PLEKHA5: variants seen among roughly 807,000 people sequenced by gnomAD.
PLEKHA5 encodes the protein pleckstrin homology domain-containing family A member 5.
Under a neutral mutation model 181.9 loss-of-function variants are expected in PLEKHA5, and 55 were observed. That is an observed-to-expected ratio of 0.30 (90% CI 0.24 to 0.38). PLEKHA5 has a LOEUF of 0.38. Among genes scored for constraint, PLEKHA5 ranks in the 10% least tolerant of loss-of-function variants. The pLI is 1.00. For synonymous variants in PLEKHA5, 535 were observed against 529.4 expected (o/e 1.01, Z -0.15); for missense variants, 1,432 against 1,549.5 (o/e 0.92, Z 1.27).
Position 19,322,366 on chromosome 12 carries a change from A to G in PLEKHA5, c.2274A>G (p.Lys758=). Residue 758 remains lysine (K), a synonymous_variant, in exon 19 of 32, where the codon AAA becomes AAG. Transcript: ENST00000429027. ...AAGTGGTGCATGCTCTGGAAGAGAA[A>G]CTTCAGCAACTCCACAAGGAGAAAG... is the stretch of plus-strand genomic sequence containing the variant. ...QDKVVHALEE[K]LQQLHKEKYT... 1 of 1,612,818 alleles carries G rather than the reference A, an allele frequency of 6.2e-7. No individual in the cohort carries two copies. The highest frequency in any genetic ancestry group is 1.1e-5 in the South Asian group (1 of 91,070).
intron 3 of PLEKHA5, among the ~76,000 whole-genome samples, chr12:19,193,897 C>T (rs1333099205): frequency 6.6e-6 from 1 of 152,092 alleles, no homozygotes; most frequent in Non-Finnish European, 1.5e-5. Context: ...GTCACAGAGC[C>T]AGAGCAGGAG....
At chr12:19,134,128 G>A (rs557553881) in intron 3 of PLEKHA5, among the ~76,000 whole-genome samples, 44 of 152,064 alleles carry the variant, frequency 2.9e-4, no homozygotes, top group African/African-American at 9.9e-4. Context: ...ATTCTGTGTG[G>A]GCTGAGTATG....
At chr12:19,327,708 G>A (rs908585153) in intron 20 of PLEKHA5, among the ~76,000 whole-genome samples, 56 of 149,072 alleles carry the variant, frequency 3.8e-4, no homozygotes, top group Middle Eastern at 6.4e-3. Flanking sequence ...GCAGTGGCGC[G>A]ATCTTTGCTC....
At chr12:19,143,644 A>G (rs770603786) in intron 3 of PLEKHA5, among the ~76,000 whole-genome samples, 2 of 152,142 alleles carry the variant, frequency 1.3e-5, no homozygotes, top group African/African-American at 2.4e-5. Flanking sequence ...ACAATTATGT[A>G]TGCGGCACAT....
chr12:19,314,935 C>A (rs533206133), intron 16 of PLEKHA5, 41 bp downstream of exon 16: 4 of 962,898 alleles, frequency 4.2e-6, no homozygotes, highest in South Asian at 4.1e-5. Context: ...TTATCATCTG[C>A]AAAATCCCTC....
intron 7 of PLEKHA5, among the ~76,000 whole-genome samples, chr12:19,265,145 G>A (rs1038700577): frequency 3.9e-5 from 6 of 152,168 alleles, no homozygotes; most frequent in South Asian, 4.1e-4. Flanking sequence ...GTTCAAATAT[G>A]TATTCACATG....
chr12:19,356,595 T>A (rs2094938442), intron 26 of PLEKHA5, among the ~76,000 whole-genome samples: 1 of 151,760 alleles, frequency 6.6e-6, no homozygotes, highest in South Asian at 2.1e-4. Flanking sequence ...TGGAAATAGT[T>A]CATCATAAAG....
chr12:19,130,149 GGAGTT>G lies in PLEKHA5; in HGVS notation c.169+21_169+25del. On this transcript the variant is annotated intron_variant, in intron 2 of 31. Coordinates refer to ENST00000429027, the MANE Select transcript of PLEKHA5 (RefSeq NM_001256470.2). This position sits in a 1 kb window ranked among gnomAD's most constrained non-coding sequence, Gnocchi z 4.5. ...AGCACAGGTAACGCCGGGCCCAAACGGAGTTGGGCTCCGCCTGGAGGAGGCGGCAG... is the reference window on the plus strand; with the variant it reads ...AGCACAGGTAACGCCGGGCCCAAACGGGGCTCCGCCTGGAGGAGGCGGCAG... 2 of 1,510,946 alleles carry G rather than the reference GGAGTT, an allele frequency of 1.3e-6. No homozygotes were observed. Among genetic ancestry groups the G allele is most frequent in the Non-Finnish European group, 1.8e-6 (2 of 1,120,188 alleles). The allele number at this position is 1,510,946 out of a possible 1,614,324, so 93.6% of individuals were successfully genotyped here. A position where few individuals can be genotyped will look rare whatever the true frequency, so the allele number is the denominator to read the frequency against.
intron 3 of PLEKHA5, among the ~76,000 whole-genome samples, chr12:19,164,639 CTG>C (rs1412645635): frequency 2.0e-5 from 3 of 152,170 alleles, no homozygotes; most frequent in African/African-American, 7.2e-5. Context: ...TGGAACATCT[CTG>C]TGCTTCTCTG....
chr12:19,300,808 C>G (rs371944336), intron 15 of PLEKHA5, among the ~76,000 whole-genome samples: 212 of 152,078 alleles, frequency 1.4e-3, no homozygotes, highest in Middle Eastern at 3.4e-3. Flanking sequence ...TGATAAAATC[C>G]AGATCCTTCT....
At chr12:19,308,344 A>G (rs2084917380) in intron 15 of PLEKHA5, among the ~76,000 whole-genome samples, 1 of 152,166 alleles carries the variant, frequency 6.6e-6, no homozygotes, top group Non-Finnish European at 1.5e-5. Flanking sequence ...AGATGTATAT[A>G]GCTCTGAGTT....
At chr12:19,238,590 T>C (rs910647660) in intron 3 of PLEKHA5, among the ~76,000 whole-genome samples, 10 of 152,138 alleles carry the variant, frequency 6.6e-5, no homozygotes, top group South Asian at 2.1e-4. Flanking sequence ...TTGAATCCGC[T>C]GAAAATGTTT....
chr12:19,205,292 T>G, intron 3 of PLEKHA5: 1 of 681,180 alleles, frequency 1.5e-6, no homozygotes, highest in Non-Finnish European at 1.8e-6. Context: ...GAGACTGCGG[T>G]GTGGTTCAGT....
chr12:19,327,245 T>C (rs2092269062), intron 20 of PLEKHA5, among the ~76,000 whole-genome samples: 1 of 90,778 alleles, frequency 1.1e-5, no homozygotes, highest in East Asian at 2.2e-4. Context: ...GCATCTGTTT[T>C]TGTTTTTTTT....
At chr12:19,333,197 A>T (rs1279561827) in intron 20 of PLEKHA5, among the ~76,000 whole-genome samples, 1 of 152,080 alleles carries the variant, frequency 6.6e-6, no homozygotes, top group Non-Finnish European at 1.5e-5. Flanking sequence ...AGGCAGGCGA[A>T]TCGCTTGAAC....
At chr12:19,290,426 G>A (rs71539461) in intron 13 of PLEKHA5, among the ~76,000 whole-genome samples, 19,964 of 152,092 alleles carry the variant, frequency 0.13, 1,365 homozygotes, top group African/African-American at 0.17. Flanking sequence ...ACATTTAAAT[G>A]TTCTCATGAG....
intron 27 of PLEKHA5, 101 bp from the exon 28 acceptor site, chr12:19,359,311 A>C (rs2095107838): frequency 1.0e-6 from 1 of 982,436 alleles, no homozygotes; most frequent in South Asian, 2.1e-5. Flanking sequence ...TCATGAGTGG[A>C]GATCCAGCTT....
rs569880439 is a variant in PLEKHA5, at chr12:19,271,527, A to G, written c.845+1322A>G. Among the ~76,000 whole-genome samples, 94 of 152,260 alleles carry G rather than the reference A, an allele frequency of 6.2e-4. 1 individual carries two copies. The highest frequency in any genetic ancestry group is 2.2e-3 in the African/African-American group (90 of 41,556). On this transcript the variant is annotated intron_variant, in intron 10 of 31. Transcript: ENST00000429027. ...AAAAAAAAATAAAAATAAAACTTCA[A>G]TACTTTTAACTTCAAAGCAAAATTT... is the stretch of plus-strand genomic sequence containing the variant.
At chr12:19,354,206 CTGT>C (rs1565655127) in intron 26 of PLEKHA5, among the ~76,000 whole-genome samples, 1 of 111,638 alleles carries the variant, frequency 9.0e-6, no homozygotes, top group East Asian at 3.0e-4. Context: ...GGCTGGAGTG[CTGT>C]GGCGCGATCT....
Sources: allele counts gnomAD v4.1 joint callset (sites outside exome capture counted in the v4.1 genomes callset), GRCh38; gene constraint gnomAD v4.1.1; non-coding constraint Gnocchi (gnomAD v3.1); transcripts MANE v1.5; gene names NCBI Gene and HGNC (gene_info 2026-07-23, HGNC 2026-07-21).